SIGLEC11: variants seen among roughly 807,000 people sequenced by gnomAD.
SIGLEC11 encodes the protein sialic acid binding Ig like lectin 11, also known as sialic acid-binding Ig-like lectin 11.
SIGLEC11 carries 47 observed loss-of-function variants against 61.2 expected under a neutral mutation model. The ratio of observed to expected loss-of-function variants is 0.77; its 90% CI spans 0.61 to 0.98. The LOEUF (loss-of-function observed/expected upper bound fraction) is 0.98. SIGLEC11 is among the 50% of genes least tolerant of loss of function. SIGLEC11 has a pLI of 0.00. For missense variants in SIGLEC11, 610 were observed against 870.3 expected, an observed-to-expected ratio of 0.70 and a Z score of 3.76; for synonymous variants, 278 against 373.1, an observed-to-expected ratio of 0.75 and a Z score of 2.94.
At position 49,958,762 on chromosome 19, in the gene SIGLEC11, G is replaced by A. The variant is rs1229469617; in HGVS notation, c.1244C>T (p.Pro415Leu). 1 of 1,613,848 alleles carries A rather than the reference G, an allele frequency of 6.2e-7. No individual in the cohort carries two copies. Residue 415 changes from proline (P) to leucine (L), a missense_variant, in exon 7 of 11, where the codon CCC becomes CTC. Coordinates refer to ENST00000447370, the MANE Select transcript of SIGLEC11 (RefSeq NM_052884.3). ...RWGQTVGPSQ[P>L]SDPGVLELPP... is the part of the protein sequence containing the mutation. ...CAGCTCCAGGACCCCGGGGTCTGAGGGCTGGGAGGGGCCCACGGTCTGTCC... is the reference window on the plus strand; with the variant it reads ...CAGCTCCAGGACCCCGGGGTCTGAGAGCTGGGAGGGGCCCACGGTCTGTCC...
intron 8 of SIGLEC11, 145 bp downstream of exon 8, chr19:49,958,138 G>A (rs73576653): frequency 1.6e-4 from 189 of 1,178,320 alleles, no homozygotes; most frequent in African/African-American, 1.5e-3. Flanking sequence ...TCAGTTTCCC[G>A]CAACAACTAC....
At chr19:49,952,560 G>T (rs1005570286) in intron 8 of SIGLEC11, among the ~76,000 whole-genome samples, 166 bp from the exon 9 acceptor site, 2 of 152,056 alleles carry the variant, frequency 1.3e-5, no homozygotes, top group Non-Finnish European at 2.9e-5. Flanking sequence ...GCAAGGAAAG[G>T]GTTAAAAAAA....
chr19:49,960,206 G>C lies in SIGLEC11; in HGVS notation c.676C>G (p.Leu226Val). 1 of 1,515,434 alleles carries C rather than the reference G, an allele frequency of 6.6e-7. No individual in the cohort carries two copies. 93.9% of individuals were successfully genotyped at this position (1,515,434 alleles called of 1,614,324 possible). The change falls in exon 3 of 11, where the codon CTC becomes GTC. Residue 226 changes from leucine (L) to valine (V), a missense_variant. Leu to Val is a conservative substitution (Grantham distance 32). Transcript: ENST00000447370. ...CTGGAGAAGTCCACATGGCAGGTGAGGTCGGTGTCGTGGTCCTGGGGGCTG... is the reference window on the plus strand; with the variant it reads ...CTGGAGAAGTCCACATGGCAGGTGACGTCGGTGTCGTGGTCCTGGGGGCTG... ...TPSPQDHDTDLTCHVDFSRKG... is the reference protein window; with the variant it reads ...TPSPQDHDTDVTCHVDFSRKG...
At chr19:49,953,474 T>C (rs150046182) in intron 8 of SIGLEC11, among the ~76,000 whole-genome samples, 112 of 152,206 alleles carry the variant, frequency 7.4e-4, no homozygotes, top group Non-Finnish European at 1.2e-3. Context: ...AAAAGGAAAC[T>C]GGAGGTGGCG....
chr19:49,952,181 C>A, intron 9 of SIGLEC11, 117 bp downstream of exon 9: 2 of 1,175,228 alleles, frequency 1.7e-6, no homozygotes, highest in East Asian at 2.4e-5. Context: ...GATCCTCTTG[C>A]CCAAGGCCTA....
At position 49,951,226 on chromosome 19, in the gene SIGLEC11, G is replaced by A. The variant is rs2076156247; in HGVS notation, c.1830+665C>T. Among the ~76,000 whole-genome samples the A allele has an allele frequency of 6.6e-6, 1 of 152,182 alleles. No homozygotes were observed. The highest frequency in any genetic ancestry group is 1.5e-5 in the Non-Finnish European group (1 of 68,022). On this transcript the variant is annotated intron_variant, in intron 10 of 10. Transcript: ENST00000447370. The surrounding 1 kb of genome is among the most constrained non-coding windows in gnomAD (Gnocchi z 4.6). ...TTTGGTGGAGCTTCCCAGGTGAGCG[G>A]TGCCCTGATGCTCCGTGCATCTGTC...
intron 10 of SIGLEC11, among the ~76,000 whole-genome samples, chr19:49,950,515 A>G (rs1031675254): frequency 2.0e-5 from 3 of 152,154 alleles, no homozygotes; most frequent in African/African-American, 7.2e-5. Flanking sequence ...CACTGGGGAG[A>G]CACTATTGTC....
rs997869289 is a variant in SIGLEC11 at position 49,951,607 on chromosome 19, G to A, written c.1830+284C>T. 1.2e-4 allele frequency among the ~76,000 whole-genome samples: 19 copies of A among 152,082 alleles called. No homozygotes were observed. Among genetic ancestry groups the A allele is most frequent in the Non-Finnish European group, 2.4e-4 (16 of 68,008 alleles). On this transcript the variant is annotated intron_variant, in intron 10 of 10. Transcript: ENST00000447370. The surrounding 1 kb of genome is among the most constrained non-coding windows in gnomAD (Gnocchi z 4.6). ...AGATAGGAGGGAGGGCAAAGGAGTC[G>A]GGGATGCAGGAGGAAATGAGGAGTG...
intron 8 of SIGLEC11, among the ~76,000 whole-genome samples, chr19:49,953,931 T>A (rs2076177420): frequency 1.3e-5 from 2 of 152,186 alleles, no homozygotes; most frequent in South Asian, 4.1e-4. Context: ...GGTTGAGAAC[T>A]CTCTTTGAAT....
Position 49,951,922 on chromosome 19 carries a change from T to C in SIGLEC11, c.1799A>G (p.Asp600Gly). ...GATGGGTCCCAGGGTGGAGGGCACG[T>C]CCTGCTCAGCTGCTGCCCTCTTGCG... ...EARKRAAAEQDVPSTLGPISQ... is the reference protein window; with the variant it reads ...EARKRAAAEQGVPSTLGPISQ... The change falls in exon 10 of 11, where the codon GAC becomes GGC. Residue 600 changes from aspartate to glycine, a missense_variant. Physicochemically the swap from Asp to Gly is moderately conservative, Grantham distance 94. This residue lies in a region of SIGLEC11 where 432 missense variants were observed against 441.5 expected (regional missense o/e 0.98). Transcript: ENST00000447370. This position sits in a 1 kb window ranked among gnomAD's most constrained non-coding sequence, Gnocchi z 4.6. The C allele has an allele frequency of 1.2e-6, 2 of 1,610,558 alleles. No homozygotes were observed. The highest frequency in any genetic ancestry group is 2.2e-5 in the East Asian group (1 of 44,652).
rs373704230 is a variant in SIGLEC11, at chr19:49,950,025, C to A, written c.2042G>T (p.Gly681Val). 369 of 1,545,782 alleles carry A rather than the reference C, an allele frequency of 2.4e-4. 3 individuals carry two copies. The South Asian group carries it at 4.3e-3, about 18-fold the overall frequency. The change falls in exon 11 of 11, where the codon GGC (glycine) becomes GTC (valine). Residue 681 changes from glycine (G) to valine (V), a missense_variant. By Grantham distance (109) the Gly-to-Val change is moderately radical. Coordinates refer to ENST00000447370, the MANE Select transcript of SIGLEC11 (RefSeq NM_052884.3). ...IKIHTGQPLR[G>V]PGFGLQLERE... Reference sequence around the variant, plus strand: ...CTCCAATTGAAGCCCAAAGCCTGGGCCCCTCAGGGGCTGTCCTGTGTGGAT... The same window carrying A: ...CTCCAATTGAAGCCCAAAGCCTGGGACCCTCAGGGGCTGTCCTGTGTGGAT...
At position 49,949,907 on chromosome 19, in the gene SIGLEC11, C is replaced by T; in HGVS notation, c.*63G>A. The T allele has an allele frequency of 7.4e-7, 1 of 1,342,336 alleles. No homozygotes were observed. Among genetic ancestry groups the T allele is most frequent in the Non-Finnish European group, 9.6e-7 (1 of 1,036,816 alleles). The allele number at this position is 1,342,336 out of a possible 1,614,324, so 83.2% of individuals were successfully genotyped here. On this transcript the variant is annotated 3_prime_UTR_variant, in exon 11 of 11. Transcript: ENST00000447370. The stretch of plus-strand genomic sequence containing the variant: ...ATGGGGCTGAAATCTGAGTCCAGTT[C>T]TGGCCGTCACACCAGTGCGACTCCC...
rs1199301487 is a variant in SIGLEC11, at chr19:49,958,406, C to A, written c.1528G>T (p.Ala510Ser). 6.2e-7 allele frequency: 1 copy of A among 1,614,010 alleles called. No individual in the cohort carries two copies. The change falls in exon 8 of 11, where the codon GCC (alanine) becomes TCC (serine). Residue 510 changes from alanine (A) to serine (S), a missense_variant. Around this residue, in one of 6 missense-constraint regions of SIGLEC11, gnomAD observed 432 missense variants for 441.5 expected, o/e 0.98. Transcript: ENST00000447370. ...AGGGAGCTGTTGGCCCAGGGCCCGGCTGAGCTGGGGGTGACCTCGAAGGAG... is the reference window on the plus strand; with the variant it reads ...AGGGAGCTGTTGGCCCAGGGCCCGGATGAGCTGGGGGTGACCTCGAAGGAG... ...QGSFEVTPSS[A>S]GPWANSSLSL...
rs2076241718 is a variant in SIGLEC11, at chr19:49,960,847, G to C, written c.165C>G (p.Asn55Lys). The C allele has an allele frequency of 3.7e-6, 6 of 1,608,038 alleles. No homozygotes were observed. Among genetic ancestry groups the C allele is most frequent in the Middle Eastern group, 3.3e-4 (2 of 6,054 alleles). Residue 55 changes from asparagine to lysine, a missense_variant, in exon 2 of 11, where the codon AAC (asparagine) becomes AAG (lysine). Asn to Lys is a moderately conservative substitution (Grantham distance 94, BLOSUM62 0). This residue lies in a region of SIGLEC11 where 27 missense variants were observed against 96.0 expected (regional missense o/e 0.28). Coordinates refer to ENST00000447370, the MANE Select transcript of SIGLEC11 (RefSeq NM_052884.3). ...PEGLCVIVSCNLSYPRDGWDE... is the reference protein window; with the variant it reads ...PEGLCVIVSCKLSYPRDGWDE... The stretch of plus-strand genomic sequence containing the variant: ...CCCAGCCATCCCGGGGGTAGGAGAG[G>C]TTGCAAGACACGATGACACACAGGC...
chr19:49,959,414 G>C lies in SIGLEC11; in HGVS notation c.1003C>G (p.Arg335Gly), dbSNP rs747255098. 5 of 1,597,352 alleles carry C rather than the reference G, an allele frequency of 3.1e-6. No individual in the cohort carries two copies. Residue 335 changes from arginine to glycine, a missense_variant, in exon 5 of 11, where the codon CGA becomes GGA. Around this residue, in one of 6 missense-constraint regions of SIGLEC11, gnomAD observed 28 missense variants for 66.9 expected, o/e 0.42. Coordinates refer to ENST00000447370, the MANE Select transcript of SIGLEC11 (RefSeq NM_052884.3). ...RAGDSGRYTC[R>G]AENRLGSQQQ... ...TGGGAGCCAAGCCTGTTCTCCGCTC[G>C]GCAGGTGTAGCGCCCTGAATCCCCG...
chr19:49,951,118 G>A lies in SIGLEC11; in HGVS notation c.1830+773C>T, dbSNP rs117180821. ...GCGGGGCCTACGTAGCATCAGTTTG[G>A]CTCTGCAGGGGCTGAGGAACTGAAG... On this transcript the variant is annotated intron_variant, in intron 10 of 10. Coordinates refer to ENST00000447370, the MANE Select transcript of SIGLEC11 (RefSeq NM_052884.3). This position sits in a 1 kb window ranked among gnomAD's most constrained non-coding sequence, Gnocchi z 4.6. Among the ~76,000 whole-genome samples the A allele has an allele frequency of 2.3e-4, 35 of 152,254 alleles. 1 individual carries two copies. In the South Asian group the frequency reaches 6.8e-3, roughly 30 times the overall value.
chr19:49,951,854 C>A lies in SIGLEC11; in HGVS notation c.1830+37G>T. ...CCCATGGCCATCAAGGAAAGGGGAA[C>A]AGGCAGGGCCCCAGCAGACAGAGGC... On this transcript the variant is annotated intron_variant, in intron 10 of 10. Transcript: ENST00000447370. The surrounding 1 kb of genome is among the most constrained non-coding windows in gnomAD (Gnocchi z 4.6). 1 of 1,523,822 alleles carries A rather than the reference C, an allele frequency of 6.6e-7. No homozygotes were observed. Among genetic ancestry groups the A allele is most frequent in the Admixed American group, 2.1e-5 (1 of 47,414 alleles). The allele number at this position is 1,523,822 out of a possible 1,614,324, so 94.4% of individuals were successfully genotyped here.
In SIGLEC11 at chr19:49,955,314, CA is replaced by C. The variant is rs71180665; in HGVS notation, c.1652-2921del. On this transcript the variant is annotated intron_variant, in intron 8 of 10. Transcript: ENST00000447370. The surrounding 1 kb of genome is among the most constrained non-coding windows in gnomAD (Gnocchi z 4.5). The stretch of plus-strand genomic sequence containing the variant: ...CGGGGACTGGCCCCAGAAAAAAAGC[CA>C]AAAAAAAAAAAAAAAAGAAAGGCAT... Among the ~76,000 whole-genome samples, 719 of 102,482 alleles carry C rather than the reference CA, an allele frequency of 7.0e-3. No individual in the cohort carries two copies. Among genetic ancestry groups the C allele is most frequent in the African/African-American group, 0.018 (443 of 24,742 alleles). The allele number at this position is 102,482 out of a possible 152,430, so 67.2% of individuals were successfully genotyped here.
Position 49,958,553 on chromosome 19 carries a change from C to A in SIGLEC11, c.1381G>T (p.Gly461Cys), listed in dbSNP as rs1215616764. The A allele has an allele frequency of 6.3e-7, 1 of 1,580,554 alleles. No individual in the cohort carries two copies. Among genetic ancestry groups the A allele is most frequent in the Non-Finnish European group, 8.6e-7 (1 of 1,164,276 alleles). ...TCAGCCTCCCAGGAGCAGGAGGGGC[C>A]CAGCAGCTGTGGAGGGTCTGTGGGG... ...LSVHYPPQLL[G>C]PSCSWEAEGL... Residue 461 changes from glycine (G) to cysteine (C), a missense_variant, in exon 8 of 11, where the codon GGC (glycine) becomes TGC (cysteine). Around this residue, in one of 6 missense-constraint regions of SIGLEC11, gnomAD observed 432 missense variants for 441.5 expected, o/e 0.98. Coordinates refer to ENST00000447370, the MANE Select transcript of SIGLEC11 (RefSeq NM_052884.3).
Sources: gnomAD v4.1 joint callset for allele counts (sites outside exome capture counted in the v4.1 genomes callset) on GRCh38, gnomAD v4.1.1 for gene constraint, gnomAD v4.1.1 regional missense constraint, Gnocchi (gnomAD v3.1) non-coding constraint, MANE v1.5 for transcripts, NCBI Gene and HGNC (gene_info 2026-07-23, HGNC 2026-07-21) for gene names.